Variants in PPARGC1A observed in about 807,000 individuals in gnomAD.
The protein encoded by PPARGC1A is PPARG coactivator 1 alpha.
PPARGC1A carries 25 observed loss-of-function variants against 88.7 expected under a neutral mutation model. That is an observed-to-expected ratio of 0.28 (90% confidence interval 0.21 to 0.39). The LOEUF is 0.39. Among genes scored for constraint, PPARGC1A ranks in the 10% least tolerant of loss-of-function variants. The probability of loss-of-function intolerance (pLI) is 1.00; values close to 1 mark genes in which losing one functional copy is unlikely to be tolerated. For missense variants in PPARGC1A, 880 were observed against 968.7 expected (o/e 0.91, Z 1.22); for synonymous variants, 363 against 355.6 (o/e 1.02, Z -0.24).
the PPARGC1A span, among the ~76,000 whole-genome samples, chr4:24,157,249 T>C: frequency 4.6e-5 from 7 of 152,204 alleles, no homozygotes; most frequent in Non-Finnish European, 7.3e-5. Context: ...CAGGCCATCA[T>C]GGGTCAACTG....
chr4:24,011,580 C>T, the PPARGC1A span, among the ~76,000 whole-genome samples: 1 of 152,170 alleles, frequency 6.6e-6, no homozygotes, highest in Non-Finnish European at 1.5e-5. Context: ...GACTGCTGTC[C>T]TGTGTTCACA....
At position 23,859,853 on chromosome 4, in the gene PPARGC1A, A is replaced by C. The variant is rs568549521; in HGVS notation, c.234+24899T>G. Reference sequence around the variant, plus strand: ...AATAAAATAAAATAAAATAAAATAAAATAACACCAAAAAAGAGAAAGAATT... The same window carrying C: ...AATAAAATAAAATAAAATAAAATAACATAACACCAAAAAAGAGAAAGAATT... On this transcript the variant is annotated intron_variant, in intron 2 of 12. Coordinates refer to ENST00000264867, the MANE Select transcript of PPARGC1A (RefSeq NM_013261.5). Among the ~76,000 whole-genome samples the C allele has an allele frequency of 2.0e-3, 272 of 134,976 alleles. 1 individual carries two copies. Among genetic ancestry groups the C allele is most frequent in the African/African-American group, 6.3e-3 (223 of 35,552 alleles). 88.5% of individuals were successfully genotyped at this position (134,976 alleles called of 152,430 possible). A position where few individuals can be genotyped will look rare whatever the true frequency, so the allele number is the denominator to read the frequency against.
At chr4:23,890,839 C>G (rs909705158), upstream of PPARGC1A, among the ~76,000 whole-genome samples, 2 of 152,108 alleles carry the variant, frequency 1.3e-5, no homozygotes, top group African/African-American at 4.8e-5. Context: ...TCCCAGAAAA[C>G]AAGTGTTAGT....
intron 10 of PPARGC1A, among the ~76,000 whole-genome samples, chr4:23,802,661 A>G (rs1236370691): frequency 1.5e-4 from 20 of 134,002 alleles, no homozygotes; most frequent in Non-Finnish European, 1.5e-5. Context: ...TGGGCGAGAG[A>G]GCGAGACTCC....
chr4:23,965,056 T>G, the PPARGC1A span, among the ~76,000 whole-genome samples: 4 of 152,262 alleles, frequency 2.6e-5, no homozygotes, highest in Non-Finnish European at 5.9e-5. Context: ...ATTGGGACCA[T>G]CCTTCCCCTA....
chr4:23,974,674 C>T, the PPARGC1A span, among the ~76,000 whole-genome samples: 4 of 151,790 alleles, frequency 2.6e-5, no homozygotes. Context: ...GCTCTGTCGC[C>T]CAGGCTGGAG....
At chr4:24,205,691 T>C in the PPARGC1A span, among the ~76,000 whole-genome samples, 1 of 152,148 alleles carries the variant, frequency 6.6e-6, no homozygotes, top group African/African-American at 2.4e-5. Context: ...GGGATCCATC[T>C]TTAGGCTGGA....
chr4:24,379,778 A>G, the PPARGC1A span, among the ~76,000 whole-genome samples: 1 of 138,104 alleles, frequency 7.2e-6, no homozygotes, highest in Non-Finnish European at 1.5e-5. Context: ...TATTATTTAA[A>G]TTCTTTTTTT....
the PPARGC1A span, among the ~76,000 whole-genome samples, chr4:23,927,707 G>T: frequency 1.3e-5 from 2 of 152,106 alleles, no homozygotes; most frequent in Non-Finnish European, 2.9e-5. Context: ...ACAAACTAAG[G>T]CATTGAGAAT....
the PPARGC1A span, among the ~76,000 whole-genome samples, chr4:23,962,822 C>T: frequency 6.6e-6 from 1 of 152,070 alleles, no homozygotes; most frequent in Non-Finnish European, 1.5e-5. Context: ...CTTACCTGAC[C>T]CCACAGGAAA....
At chr4:23,908,892 A>T (rs1488260358), upstream of PPARGC1A, among the ~76,000 whole-genome samples, 3 of 152,202 alleles carry the variant, frequency 2.0e-5, no homozygotes. Flanking sequence ...ATAAAAGTGG[A>T]AACCTCAATC....
intron 12 of PPARGC1A, 144 bp downstream of exon 12, chr4:23,801,586 C>A (rs1299201649): frequency 3.2e-6 from 3 of 938,066 alleles, no homozygotes; most frequent in Non-Finnish European, 4.7e-6. Context: ...CTGTCTTATA[C>A]GTTTTTCTTA....
the PPARGC1A span, among the ~76,000 whole-genome samples, chr4:24,442,972 A>G: frequency 6.6e-6 from 1 of 152,152 alleles, no homozygotes; most frequent in Admixed American, 6.5e-5. Flanking sequence ...AAGCTGCCTG[A>G]CTTTTAAATA....
chr4:24,123,553 CTTGTCGG>C, the PPARGC1A span, among the ~76,000 whole-genome samples: 10 of 152,176 alleles, frequency 6.6e-5, no homozygotes, highest in South Asian at 2.1e-3. Context: ...CACTATCGTT[CTTGTCGG>C]GACTGAGGTT....
At chr4:24,173,785 A>G in the PPARGC1A span, among the ~76,000 whole-genome samples, 2 of 152,246 alleles carry the variant, frequency 1.3e-5, no homozygotes, top group African/African-American at 4.8e-5. Flanking sequence ...CAAAATGGGA[A>G]TAATAACTCA....
At chr4:24,250,288 T>G in the PPARGC1A span, among the ~76,000 whole-genome samples, 4 of 152,254 alleles carry the variant, frequency 2.6e-5, no homozygotes, top group Admixed American at 6.5e-5. Context: ...TGTGCTCATT[T>G]GCTCAGGGAA....
chr4:23,863,560 T>C (rs1221027128), intron 2 of PPARGC1A, among the ~76,000 whole-genome samples: 1 of 152,226 alleles, frequency 6.6e-6, no homozygotes, highest in African/African-American at 2.4e-5. Flanking sequence ...TCCTCACCAC[T>C]ACTGTGTTGC....
the PPARGC1A span, among the ~76,000 whole-genome samples, chr4:24,047,529 A>G: frequency 3.3e-5 from 5 of 152,232 alleles, no homozygotes; most frequent in African/African-American, 1.2e-4. Flanking sequence ...CTCATTTTAC[A>G]TAAAGGAAAC....
chr4:24,233,806 A>C, the PPARGC1A span, among the ~76,000 whole-genome samples: 1 of 152,196 alleles, frequency 6.6e-6, no homozygotes, highest in Admixed American at 6.5e-5. Context: ...AAAAAGTTAA[A>C]GCGCTTACAA....
Sources: allele counts gnomAD v4.1 joint callset (sites outside exome capture counted in the v4.1 genomes callset), GRCh38; gene constraint gnomAD v4.1.1; transcripts MANE v1.5; gene names NCBI Gene and HGNC (gene_info 2026-07-23, HGNC 2026-07-21).